Variants in XRCC6 observed in about 807,000 individuals in gnomAD.
The protein encoded by XRCC6 is X-ray repair cross complementing 6.
A neutral mutation model predicts 65.7 loss-of-function variants in XRCC6; 5 were observed. That is an observed-to-expected ratio of 0.08 (90% CI 0.04 to 0.16). The LOEUF (loss-of-function observed/expected upper bound fraction) is 0.16, where lower values mean the gene tolerates loss of function less well. XRCC6 is among the 10% of genes least tolerant of loss of function. The probability of loss-of-function intolerance (pLI) is 1.00; values close to 1 mark genes in which losing one functional copy is unlikely to be tolerated. For missense variants in XRCC6, 447 were observed against 738.1 expected, an observed-to-expected ratio of 0.61 and a Z score of 4.57; for synonymous variants, 270 against 270.6, an observed-to-expected ratio of 1.00 and a Z score of 0.02.
rs765655083 is a variant in XRCC6, at chr22:41,637,759, C to T, written c.741C>T (p.Arg247=). The change falls in exon 6 of 13, where the codon CGC becomes CGT. Residue 247 remains arginine (R), a synonymous_variant. Transcript: ENST00000360079. ...TAGAAGACCTGTTGCGGAAGGTTCG[C>T]GCCAAGGAGACCAGGAAGCGAGCAC... ...SKLEDLLRKV[R]AKETRKRALS... 16 of 1,613,786 alleles carry T rather than the reference C, an allele frequency of 9.9e-6. No individual in the cohort carries two copies. Among genetic ancestry groups the T allele is most frequent in the Admixed American group, 6.7e-5 (4 of 59,952 alleles).
chr22:41,630,492 T>TC (rs958568825), intron 3 of XRCC6, among the ~76,000 whole-genome samples: 4 of 151,176 alleles, frequency 2.6e-5, no homozygotes, highest in Admixed American at 6.6e-5. Context: ...AGTGTTTCTT[T>TC]TTTTTTTTTT....
At chr22:41,646,744 C>T (rs927879495) in intron 6 of XRCC6, 152 bp from the exon 7 acceptor site, 6 of 630,418 alleles carry the variant, frequency 9.5e-6, no homozygotes, top group East Asian at 2.7e-5. Context: ...ATAGCAAATT[C>T]GATTGTATTA....
chr22:41,623,103 T>A (rs1032908503), intron 2 of XRCC6, among the ~76,000 whole-genome samples: 19 of 152,258 alleles, frequency 1.2e-4, no homozygotes, highest in African/African-American at 3.8e-4. Context: ...ATATATTTTT[T>A]AATTTTTTAA....
rs1218297207 is a variant in XRCC6 at position 41,632,935 on chromosome 22, TG to T, written c.196-3176del. Among the ~76,000 whole-genome samples the T allele has an allele frequency of 5.3e-5, 8 of 151,900 alleles. No homozygotes were observed. In the East Asian group the frequency reaches 1.6e-3, roughly 29 times the overall value. ...CGAGGTCAAGAGATCAAAACCATCC[TG>T]GCCAAAATGGTGAAACCTCGTCTCT... is the stretch of plus-strand genomic sequence containing the variant. On this transcript the variant is annotated intron_variant, in intron 3 of 12. Transcript: ENST00000360079.
chr22:41,650,901 G>A lies in XRCC6; in HGVS notation c.1129+10G>A, dbSNP rs373679830. On this transcript the variant is annotated intron_variant, in intron 8 of 12. Coordinates refer to ENST00000360079, the MANE Select transcript of XRCC6 (RefSeq NM_001469.5). ...GAGTCGCTGGTGATTGGTAAGTAGCGTGGACCATGGATGAGTGACTCTAAC... is the reference window on the plus strand; with the variant it reads ...GAGTCGCTGGTGATTGGTAAGTAGCATGGACCATGGATGAGTGACTCTAAC... 2.5e-5 allele frequency: 41 copies of A among 1,613,864 alleles called. No homozygotes were observed. The highest frequency in any genetic ancestry group is 1.6e-4 in the Middle Eastern group (1 of 6,084).
chr22:41,632,999 C>T (rs1051236564), intron 3 of XRCC6, among the ~76,000 whole-genome samples: 5 of 151,662 alleles, frequency 3.3e-5, no homozygotes, highest in South Asian at 2.1e-4. Context: ...TGGTGGCGTG[C>T]GCCTGTAGTC....
intron 3 of XRCC6, among the ~76,000 whole-genome samples, chr22:41,633,061 A>T (rs2067772858): frequency 6.6e-6 from 1 of 152,064 alleles, no homozygotes; most frequent in Non-Finnish European, 1.5e-5. Flanking sequence ...TGGGAGGCAG[A>T]GGTTGCAGTG....
intron 3 of XRCC6, among the ~76,000 whole-genome samples, chr22:41,634,919 T>TA (rs1269539357): frequency 6.6e-6 from 1 of 152,218 alleles, no homozygotes; most frequent in African/African-American, 2.4e-5. Context: ...CCTTTCCTGT[T>TA]ACTGGAATAC....
intron 6 of XRCC6, 95 bp downstream of exon 6, chr22:41,637,886 A>T: frequency 7.7e-7 from 1 of 1,307,090 alleles, no homozygotes; most frequent in Non-Finnish European, 1.0e-6. Flanking sequence ...ACAGTTTGGG[A>T]GGCCAAGGCA....
At chr22:41,659,459 G>A (rs905050550) in intron 11 of XRCC6, among the ~76,000 whole-genome samples, 6 of 151,900 alleles carry the variant, frequency 3.9e-5, no homozygotes, top group African/African-American at 1.5e-4. Context: ...GCCCGCCTTG[G>A]CCTCCCAAAG....
intron 5 of XRCC6, 85 bp downstream of exon 5, chr22:41,636,855 G>C: frequency 6.7e-7 from 1 of 1,493,196 alleles, no homozygotes; most frequent in Non-Finnish European, 8.9e-7. Context: ...AGGAGTCTTG[G>C]CTCAGCCTCA....
At chr22:41,630,086 C>A (rs762178149) in intron 3 of XRCC6, among the ~76,000 whole-genome samples, 1 of 150,480 alleles carries the variant, frequency 6.6e-6, no homozygotes, top group South Asian at 2.1e-4. Context: ...CTGGTTCAAG[C>A]GATTCTCCTG....
intron 11 of XRCC6, among the ~76,000 whole-genome samples, chr22:41,661,058 CTG>C (rs1244485814): frequency 6.6e-6 from 1 of 150,860 alleles, no homozygotes; most frequent in Non-Finnish European, 1.5e-5. Flanking sequence ...AAAAAAAAAA[CTG>C]GGGACAAATT....
intron 2 of XRCC6, among the ~76,000 whole-genome samples, chr22:41,624,244 A>G (rs931284342): frequency 1.3e-5 from 2 of 151,950 alleles, no homozygotes; most frequent in Non-Finnish European, 2.9e-5. Flanking sequence ...AAGTTAGCTG[A>G]GTCTGTGGTG....
chr22:41,647,934 T>A (rs939055081), intron 7 of XRCC6, among the ~76,000 whole-genome samples: 1 of 151,684 alleles, frequency 6.6e-6, no homozygotes, highest in Non-Finnish European at 1.5e-5. Context: ...GAGACATTGA[T>A]CAGGCTGACC....
At chr22:41,628,058 T>C in intron 2 of XRCC6, 60 bp from the exon 3 acceptor site, 2 of 1,194,996 alleles carry the variant, frequency 1.7e-6, no homozygotes, top group Non-Finnish European at 2.4e-6. Context: ...TTATTTATCT[T>C]ATATGGTAAA....
chr22:41,641,094 A>G (rs1555905387), intron 6 of XRCC6, among the ~76,000 whole-genome samples: 2 of 152,160 alleles, frequency 1.3e-5, no homozygotes, highest in Non-Finnish European at 2.9e-5. Flanking sequence ...AAAAAATTAA[A>G]AAACTGTACT....
chr22:41,654,434 A>T (rs951923339), intron 9 of XRCC6, among the ~76,000 whole-genome samples: 1 of 152,138 alleles, frequency 6.6e-6, no homozygotes, highest in South Asian at 2.1e-4. Flanking sequence ...ACCTAATTTC[A>T]TCTTTCACAG....
At chr22:41,634,274 C>G (rs957907720) in intron 3 of XRCC6, among the ~76,000 whole-genome samples, 32 of 151,852 alleles carry the variant, frequency 2.1e-4, no homozygotes, top group African/African-American at 6.8e-4. Context: ...CAGCCTTGAC[C>G]TCCTGTGCTC....
Sources: allele counts gnomAD v4.1 joint callset (sites outside exome capture counted in the v4.1 genomes callset), GRCh38; gene constraint gnomAD v4.1.1; transcripts MANE v1.5; gene names NCBI Gene and HGNC (gene_info 2026-07-23, HGNC 2026-07-21).